The following MYO10 variants were observed in gnomAD, a reference collection of about 807,000 sequenced individuals.
The protein encoded by MYO10 is unconventional myosin-X.
In MYO10, 133 loss-of-function variants were observed where a neutral mutation model predicts 257.3. That is an observed-to-expected ratio of 0.52 (90% CI 0.45 to 0.60). The LOEUF is 0.60. Ranked by LOEUF, MYO10 falls within the 20% of genes least tolerant of loss-of-function variation. MYO10 has a pLI of 0.00. For synonymous variants in MYO10, 1,104 were observed against 1,028.6 expected (o/e 1.07, Z -1.40); for missense variants, 2,399 against 2,635.7 (o/e 0.91, Z 1.97).
intron 1 of MYO10, among the ~76,000 whole-genome samples, chr5:16,912,477 A>G (rs988338220): frequency 2.6e-5 from 4 of 152,062 alleles, no homozygotes; most frequent in Non-Finnish European, 5.9e-5. Context: ...TGCCTTACAT[A>G]GTCTGGGTCT....
chr5:16,768,950 AC>A, intron 10 of MYO10, 123 bp downstream of exon 10: 1 of 1,224,946 alleles, frequency 8.2e-7, no homozygotes, highest in Non-Finnish European at 1.1e-6. Context: ...TGCTGGGGTT[AC>A]AGGCAAGAGC....
chr5:16,854,009 A>C (rs1743890246), intron 2 of MYO10: 1 of 152,092 alleles, frequency 6.6e-6, no homozygotes, highest in African/African-American at 2.4e-5. Context: ...CGGCCTTACT[A>C]TCCTGAAGGT....
chr5:16,799,585 C>T (rs542363170), intron 3 of MYO10, among the ~76,000 whole-genome samples: 33 of 152,122 alleles, frequency 2.2e-4, no homozygotes, highest in African/African-American at 7.2e-4. Context: ...CTTCGCCTCC[C>T]GTGTTCAAGC....
chr5:16,796,434 A>AAGAC (rs1741965598), intron 3 of MYO10, among the ~76,000 whole-genome samples: 4 of 87,834 alleles, frequency 4.6e-5, no homozygotes, highest in Non-Finnish European at 9.1e-5. Context: ...AAAGAAAGAA[A>AAGAC]AGAAAGACAG....
chr5:16,789,105 T>C (rs1203694258), intron 4 of MYO10, among the ~76,000 whole-genome samples: 1 of 152,164 alleles, frequency 6.6e-6, no homozygotes, highest in East Asian at 1.9e-4. Context: ...ATCCAGCCCA[T>C]GTGTCAGCAA....
intron 29 of MYO10, among the ~76,000 whole-genome samples, chr5:16,685,338 G>A (rs1737199307): frequency 1.3e-5 from 2 of 151,996 alleles, no homozygotes; most frequent in Non-Finnish European, 2.9e-5. Flanking sequence ...AGCCTGCCAA[G>A]TAGCTGGGAC....
intron 1 of MYO10, among the ~76,000 whole-genome samples, chr5:16,931,554 G>A (rs1385526272): frequency 6.6e-6 from 1 of 152,058 alleles, no homozygotes; most frequent in African/African-American, 2.4e-5. Flanking sequence ...GCCCCAGCCA[G>A]ACAGCTTATT....
intron 4 of MYO10, among the ~76,000 whole-genome samples, chr5:16,794,018 G>T (rs1243368393): frequency 6.6e-6 from 1 of 151,672 alleles, no homozygotes; most frequent in Admixed American, 6.6e-5. Flanking sequence ...TAGTTTCTTT[G>T]TAAAAGCGAG....
rs1392101745 is a variant in MYO10, at chr5:16,866,060, AAAC to A, written c.120+11546_120+11548del. On this transcript the variant is annotated intron_variant, in intron 2 of 40. Coordinates refer to ENST00000513610, the MANE Select transcript of MYO10 (RefSeq NM_012334.3). Reference sequence around the variant, plus strand: ...ACACACACACACACACACACACACAAAACAATAGAGGAAAACCCAAGCTCTAGT... The same window carrying A: ...ACACACACACACACACACACACACAAAATAGAGGAAAACCCAAGCTCTAGT... Among the ~76,000 whole-genome samples the A allele has an allele frequency of 5.3e-5, 7 of 133,130 alleles. No homozygotes were observed. In the East Asian group the frequency reaches 1.4e-3, roughly 27 times the overall value. The allele number at this position is 133,130 out of a possible 152,430, so 87.3% of individuals were successfully genotyped here.
chr5:16,704,033 A>G (rs1738214178), intron 22 of MYO10, among the ~76,000 whole-genome samples: 2 of 151,920 alleles, frequency 1.3e-5, no homozygotes, highest in African/African-American at 4.8e-5. Context: ...AATAATTTAA[A>G]TATCAGGAGA....
rs1157458206 is a variant in MYO10 at position 16,780,709 on chromosome 5, T to A, written c.741+19A>T. 3 of 1,567,134 alleles carry A rather than the reference T, an allele frequency of 1.9e-6. No individual in the cohort carries two copies. The African/African-American group carries it at 4.1e-5, about 21-fold the overall frequency. On this transcript the variant is annotated intron_variant, in intron 7 of 40. Coordinates refer to ENST00000513610, the MANE Select transcript of MYO10 (RefSeq NM_012334.3). ...TTGTTATTATGGAAGAAAATGTGGA[T>A]TAAATCACGTTTACTTACTTTTTCT...
At chr5:16,772,614 G>A (rs1741088696) in intron 9 of MYO10, among the ~76,000 whole-genome samples, 1 of 152,198 alleles carries the variant, frequency 6.6e-6, no homozygotes. Flanking sequence ...GGTTAACTGT[G>A]AGTTAACAGT....
At chr5:16,675,919 C>A in intron 34 of MYO10, 112 bp downstream of exon 34, 1 of 1,285,630 alleles carries the variant, frequency 7.8e-7, no homozygotes, top group South Asian at 1.6e-5. Context: ...CAATTCACGA[C>A]GAATAAGAGA....
intron 6 of MYO10, 55 bp downstream of exon 6, chr5:16,781,650 C>T (rs1478451782): frequency 6.6e-7 from 1 of 1,518,762 alleles, no homozygotes; most frequent in African/African-American, 1.4e-5. Flanking sequence ...TTAGTGAGAA[C>T]AGTTTCCACT....
At chr5:16,775,541 C>T (rs768422401) in intron 9 of MYO10, among the ~76,000 whole-genome samples, 2 of 152,148 alleles carry the variant, frequency 1.3e-5, no homozygotes, top group Non-Finnish European at 2.9e-5. Flanking sequence ...GTAATCCTCA[C>T]ACCTCCAAGG....
chr5:16,679,911 G>A (rs2126491752), intron 33 of MYO10, 36 bp downstream of exon 33: 1 of 1,603,460 alleles, frequency 6.2e-7, no homozygotes, highest in Non-Finnish European at 8.5e-7. Context: ...TCTCTGAGCT[G>A]TAATCACCCA....
At chr5:16,927,733 T>C (rs1050347543) in intron 1 of MYO10, among the ~76,000 whole-genome samples, 1 of 152,206 alleles carries the variant, frequency 6.6e-6, no homozygotes, top group African/African-American at 2.4e-5. Context: ...ACAATTCCCA[T>C]ATGTTTCTCC....
At chr5:16,748,629 G>A (rs1015417911) in intron 19 of MYO10, among the ~76,000 whole-genome samples, 1 of 148,462 alleles carries the variant, frequency 6.7e-6, no homozygotes, top group Non-Finnish European at 1.5e-5. Flanking sequence ...AGAGAGGGAG[G>A]GAGGGAGGGA....
chr5:16,769,342 G>GT (rs988823766), intron 9 of MYO10, 139 bp from the exon 10 acceptor site: 11 of 1,002,154 alleles, frequency 1.1e-5, no homozygotes, highest in Middle Eastern at 3.4e-4. Context: ...CCACTCACTT[G>GT]TTTTTTTGTT....
Sources: allele counts gnomAD v4.1 joint callset (sites outside exome capture counted in the v4.1 genomes callset), GRCh38; gene constraint gnomAD v4.1.1; transcripts MANE v1.5; gene names NCBI Gene and HGNC (gene_info 2026-07-23, HGNC 2026-07-21).